Variants in PAPSS2 observed in about 807,000 individuals in gnomAD.
PAPSS2 encodes the protein bifunctional 3'-phosphoadenosine 5'-phosphosulfate synthase 2.
PAPSS2 carries 61 observed loss-of-function variants against 66.5 expected under a neutral mutation model. That is an observed-to-expected ratio of 0.92 (90% CI 0.75 to 1.14). The LOEUF is 1.14. Ranked by LOEUF, PAPSS2 falls within the 50% of genes most tolerant of loss-of-function variation. PAPSS2 has a pLI of 0.00. For missense variants in PAPSS2, 708 were observed against 789.6 expected (o/e 0.90, Z 1.24); for synonymous variants, 289 against 287.5 (o/e 1.01, Z -0.05).
At chr10:87,745,321 C>A in intron 12 of PAPSS2, 90 bp downstream of exon 12, 1 of 967,340 alleles carries the variant, frequency 1.0e-6, no homozygotes, top group Non-Finnish European at 1.6e-6. Context: ...CTCTCCAGTG[C>A]ATTGCCACAT....
At position 87,715,012 on chromosome 10, in the gene PAPSS2, G is replaced by T. The variant is rs188769988; in HGVS notation, c.667G>T (p.Asp223Tyr). The T allele has an allele frequency of 3.1e-6, 5 of 1,612,186 alleles. No individual in the cohort carries two copies. Among genetic ancestry groups the T allele is most frequent in the East Asian group, 4.5e-5 (2 of 44,850 alleles). ...CATTGTACCCTATACTATAATCAAA[G>T]ATATCCACGAACTCTTTGTGCCGGA... ...QNIVPYTIIK[D>Y]IHELFVPENK... is the part of the protein sequence containing the mutation. The change falls in exon 6 of 13, where the codon GAT (aspartate) becomes TAT (tyrosine). Residue 223 changes from aspartate (D) to tyrosine (Y), a missense_variant. Physicochemically the swap from Asp to Tyr is radical, Grantham distance 160 (BLOSUM62 -3). Transcript: ENST00000456849.
rs777313433 is a variant in PAPSS2, at chr10:87,715,000, A to G, written c.655A>G (p.Thr219Ala). ...TTCATTTCAGAACATTGTACCCTAT[A>G]CTATAATCAAAGATATCCACGAACT... ...LLQEQNIVPYTIIKDIHELFV... is the reference protein window; with the variant it reads ...LLQEQNIVPYAIIKDIHELFV... The change falls in exon 6 of 13, where the codon ACT becomes GCT. Residue 219 changes from threonine to alanine, a missense_variant. Coordinates refer to ENST00000456849, the MANE Select transcript of PAPSS2 (RefSeq NM_001015880.2). 1 of 1,608,376 alleles carries G rather than the reference A, an allele frequency of 6.2e-7. No individual in the cohort carries two copies. Among genetic ancestry groups the G allele is most frequent in the Admixed American group, 1.7e-5 (1 of 59,990 alleles).
At chr10:87,712,861 G>C (rs1411737396) in intron 2 of PAPSS2, among the ~76,000 whole-genome samples, 1 of 151,892 alleles carries the variant, frequency 6.6e-6, no homozygotes, top group African/African-American at 2.4e-5. Flanking sequence ...AAGCCTGCTT[G>C]CTTTGAAAAG....
intron 2 of PAPSS2, 152 bp downstream of exon 2, chr10:87,709,465 C>T (rs1320527254): frequency 5.6e-6 from 3 of 534,878 alleles, no homozygotes; most frequent in Admixed American, 2.9e-5. Flanking sequence ...TTAGTCCTAA[C>T]CCTACCATCA....
At chr10:87,687,006 T>C (rs1202819494) in intron 1 of PAPSS2, among the ~76,000 whole-genome samples, 1 of 152,224 alleles carries the variant, frequency 6.6e-6, no homozygotes, top group Non-Finnish European at 1.5e-5. Flanking sequence ...TTTTTTGATA[T>C]AAGTATGTCT....
chr10:87,694,617 C>G (rs1853209959), intron 1 of PAPSS2, among the ~76,000 whole-genome samples: 1 of 152,180 alleles, frequency 6.6e-6, no homozygotes, highest in Non-Finnish European at 1.5e-5. Flanking sequence ...AACAAAAGTT[C>G]TGTTATCTGA....
intron 1 of PAPSS2, among the ~76,000 whole-genome samples, chr10:87,674,679 G>A (rs545926160): frequency 6.6e-6 from 1 of 152,084 alleles, no homozygotes; most frequent in East Asian, 1.9e-4. Context: ...ATCTATAAAA[G>A]AGTTATAAAA....
rs12412028 is a variant in PAPSS2, at chr10:87,744,712, A to G, written c.1492-290A>G. ...GAAAGTAAAATCCACATAGTTCTGT[A>G]GAATAGTAAGATTTGAGTGTTCTTG... On this transcript the variant is annotated intron_variant, in intron 11 of 12. Transcript: ENST00000456849. Among the ~76,000 whole-genome samples the G allele has an allele frequency of 2.5e-3, 380 of 152,334 alleles. 7 individuals are homozygous for G. The highest frequency in any genetic ancestry group is 0.014 in the Admixed American group (207 of 15,298).
At position 87,662,380 on chromosome 10, in the gene PAPSS2, G is replaced by C. The variant is rs1000670881; in HGVS notation, c.27+2372G>C. Reference sequence around the variant, plus strand: ...GTTTTGGTTTAAATGAGAGAGTGTAGGATGACTTTTTCATAAGCTTTAGAA... The same window carrying C: ...GTTTTGGTTTAAATGAGAGAGTGTACGATGACTTTTTCATAAGCTTTAGAA... On this transcript the variant is annotated intron_variant, in intron 1 of 12. Coordinates refer to ENST00000456849, the MANE Select transcript of PAPSS2 (RefSeq NM_001015880.2). Among the ~76,000 whole-genome samples, 10 of 152,062 alleles carry C rather than the reference G, an allele frequency of 6.6e-5. No individual in the cohort carries two copies. In the South Asian group the frequency reaches 2.1e-3, roughly 31 times the overall value.
rs373007325 is a variant in PAPSS2, at chr10:87,739,893, G to A, written c.1087-1342G>A. ...ATTAAATCTTGGCCCTTGAGTCCCC[G>A]TCTTTTTAGTATTCCATTACAAAAG... On this transcript the variant is annotated intron_variant, in intron 9 of 12. Coordinates refer to ENST00000456849, the MANE Select transcript of PAPSS2 (RefSeq NM_001015880.2). Among the ~76,000 whole-genome samples, 83 of 152,254 alleles carry A rather than the reference G, an allele frequency of 5.5e-4. 1 individual carries two copies. Among genetic ancestry groups the A allele is most frequent in the African/African-American group, 1.7e-3 (70 of 41,552 alleles).
chr10:87,696,723 C>T (rs972022561), intron 1 of PAPSS2, among the ~76,000 whole-genome samples: 2 of 151,994 alleles, frequency 1.3e-5, no homozygotes, highest in South Asian at 4.2e-4. Flanking sequence ...AATGTGATCA[C>T]GAAGGATAAA....
chr10:87,664,787 A>C (rs947291185), intron 1 of PAPSS2, among the ~76,000 whole-genome samples: 1 of 152,226 alleles, frequency 6.6e-6, no homozygotes, highest in East Asian at 1.9e-4. Context: ...AAGTCTTAGG[A>C]AAATGCAGAA....
chr10:87,696,994 C>A lies in PAPSS2; in HGVS notation c.28-12202C>A, dbSNP rs61853155. Among the ~76,000 whole-genome samples the A allele has an allele frequency of 2.1e-3, 314 of 152,234 alleles. 1 individual carries two copies. The highest frequency in any genetic ancestry group is 5.4e-3 in the South Asian group (26 of 4,818). On this transcript the variant is annotated intron_variant, in intron 1 of 12. Transcript: ENST00000456849. ...ATATACATTGTCGTTAACTGAAGTC[C>A]GTACTTTCTTTAGATTTCCTTAATT...
At chr10:87,712,498 TTGGAG>T (rs1853474520) in intron 2 of PAPSS2, among the ~76,000 whole-genome samples, 1 of 152,208 alleles carries the variant, frequency 6.6e-6, no homozygotes, top group Non-Finnish European at 1.5e-5. Context: ...GTTACACAGG[TTGGAG>T]TGTAGTGGTG....
chr10:87,732,517 CT>C, intron 9 of PAPSS2, among the ~76,000 whole-genome samples: 1 of 149,618 alleles, frequency 6.7e-6, no homozygotes, highest in Admixed American at 6.6e-5. Flanking sequence ...GAGTGAGACC[CT>C]TTCTCAAAAA....
At chr10:87,688,763 T>C (rs541903241) in intron 1 of PAPSS2, among the ~76,000 whole-genome samples, 74 of 152,030 alleles carry the variant, frequency 4.9e-4, no homozygotes, top group Middle Eastern at 3.4e-3. Context: ...GGCAGAACTA[T>C]GGAAATTTCT....
chr10:87,726,211 C>T (rs1853657553), intron 8 of PAPSS2, among the ~76,000 whole-genome samples: 1 of 152,186 alleles, frequency 6.6e-6, no homozygotes. Flanking sequence ...GTTGGCAGAT[C>T]ATGAGGTCAA....
chr10:87,696,920 T>A (rs1229376089), intron 1 of PAPSS2, among the ~76,000 whole-genome samples: 1 of 152,238 alleles, frequency 6.6e-6, no homozygotes, highest in East Asian at 1.9e-4. Context: ...GACACCTAGT[T>A]TACTCTATTA....
At chr10:87,725,595 A>C (rs1853648329) in intron 8 of PAPSS2, among the ~76,000 whole-genome samples, 2 of 152,196 alleles carry the variant, frequency 1.3e-5, no homozygotes, top group African/African-American at 4.8e-5. Context: ...AAAAATATTT[A>C]GGAAAGAGGG....
Sources: allele counts gnomAD v4.1 joint callset (sites outside exome capture counted in the v4.1 genomes callset), GRCh38; gene constraint gnomAD v4.1.1; transcripts MANE v1.5; gene names NCBI Gene and HGNC (gene_info 2026-07-23, HGNC 2026-07-21).